ABCB7: variants seen among roughly 807,000 people sequenced by gnomAD.
The protein encoded by ABCB7 is ATP binding cassette subfamily B member 7.
In ABCB7, 7 loss-of-function variants were observed where a neutral mutation model predicts 54.4. That is an observed-to-expected ratio of 0.13 (90% CI 0.07 to 0.24). The LOEUF is 0.24. ABCB7 is among the 10% of genes least tolerant of loss of function. The pLI, the probability that ABCB7 is intolerant of heterozygous loss-of-function variation, is 1.00. For synonymous variants in ABCB7, 218 were observed against 207.1 expected (o/e 1.05, Z -0.45); for missense variants, 356 against 570.4 (o/e 0.62, Z 3.83).
At chrX:75,085,579 C>T (rs748582775) in intron 4 of ABCB7, among the ~76,000 whole-genome samples, 23 of 110,750 alleles carry the variant, frequency 2.1e-4, no homozygotes, top group African/African-American at 6.9e-4. Context: ...AAAAAGAGTG[C>T]ACTCCATTGA....
chrX:75,072,059 C>T (rs2081367466), intron 8 of ABCB7, among the ~76,000 whole-genome samples: 1 of 111,481 alleles, frequency 9.0e-6, no homozygotes, highest in African/African-American at 3.3e-5. Context: ...TCTCTCGGTA[C>T]AGTATAAAAT....
At chrX:75,151,289 C>T (rs1419962933) in intron 1 of ABCB7, among the ~76,000 whole-genome samples, 1 of 111,392 alleles carries the variant, frequency 9.0e-6, no homozygotes, top group Non-Finnish European at 1.9e-5. Flanking sequence ...CCCAGTGCCA[C>T]TTTCCATTCC....
chrX:75,112,840 A>C (rs1247779010), intron 3 of ABCB7, 46 bp downstream of exon 3: 3 of 1,014,924 alleles, frequency 3.0e-6, no homozygotes, highest in Non-Finnish European at 2.8e-6. Context: ...TCTTCTGTGC[A>C]AGGACAATCA....
At chrX:75,064,029 G>A (rs2081300143) in intron 13 of ABCB7, among the ~76,000 whole-genome samples, 1 of 111,004 alleles carries the variant, frequency 9.0e-6, no homozygotes, top group African/African-American at 3.3e-5. Context: ...CCAGATAACT[G>A]GAAATTACTC....
chrX:75,115,410 C>CT (rs747398607), intron 1 of ABCB7, among the ~76,000 whole-genome samples: 784 of 30,155 alleles, frequency 0.026, 37 homozygotes, highest in African/African-American at 0.092. Flanking sequence ...TGTCTCTTTT[C>CT]TTTTTTTTTT....
intron 3 of ABCB7, among the ~76,000 whole-genome samples, chrX:75,104,610 T>C (rs1303668390): frequency 9.0e-6 from 1 of 110,810 alleles, no homozygotes; most frequent in Non-Finnish European, 1.9e-5. Context: ...ACAAATTCCA[T>C]GAGACATATA....
intron 1 of ABCB7, among the ~76,000 whole-genome samples, chrX:75,155,822 C>A (rs956460686): frequency 1.8e-5 from 2 of 111,143 alleles, no homozygotes; most frequent in African/African-American, 6.6e-5. Flanking sequence ...GGTGTCTACC[C>A]CAACTCTTAA....
At chrX:75,099,141 T>C (rs892279916) in intron 3 of ABCB7, 80 bp from the exon 4 acceptor site, 10 of 1,035,703 alleles carry the variant, frequency 9.7e-6, no homozygotes, top group Non-Finnish European at 1.2e-5. Context: ...AGAATTTATA[T>C]ATTTGAGAAA....
chrX:75,063,165 T>C (rs777158856), intron 13 of ABCB7, among the ~76,000 whole-genome samples: 1 of 111,526 alleles, frequency 9.0e-6, no homozygotes, highest in Non-Finnish European at 1.9e-5. Flanking sequence ...TATTCCTAAA[T>C]ACAAGAATAA....
At chrX:75,084,585 C>T (rs1308722024) in intron 4 of ABCB7, among the ~76,000 whole-genome samples, 1 of 110,926 alleles carries the variant, frequency 9.0e-6, no homozygotes, top group African/African-American at 3.3e-5. Context: ...AGTTATTAGA[C>T]ATGACAACAA....
At chrX:75,069,793 A>G (rs1429383329) in intron 10 of ABCB7, among the ~76,000 whole-genome samples, 1 of 111,663 alleles carries the variant, frequency 9.0e-6, no homozygotes, top group Admixed American at 9.5e-5. Flanking sequence ...AATTCAGTGT[A>G]AGTACAAATA....
chrX:75,066,470 GA>G (rs1294230344), intron 12 of ABCB7, among the ~76,000 whole-genome samples: 1 of 111,009 alleles, frequency 9.0e-6, no homozygotes, highest in East Asian at 2.8e-4. Context: ...TGGAAATTTT[GA>G]AAATATAAAA....
At chrX:75,103,886 T>C (rs1041923417) in intron 3 of ABCB7, among the ~76,000 whole-genome samples, 22 of 108,414 alleles carry the variant, frequency 2.0e-4, no homozygotes, top group African/African-American at 7.0e-4. Flanking sequence ...CTTTAGTTTT[T>C]TTCTAGATAT....
At chrX:75,102,101 T>C (rs190003697) in intron 3 of ABCB7, among the ~76,000 whole-genome samples, 51 of 111,440 alleles carry the variant, frequency 4.6e-4, no homozygotes, top group African/African-American at 1.7e-3. Flanking sequence ...ACACGTGAGA[T>C]TTTGTTGAAT....
intron 1 of ABCB7, among the ~76,000 whole-genome samples, chrX:75,151,583 C>G (rs1296247507): frequency 8.9e-6 from 1 of 111,797 alleles, no homozygotes; most frequent in African/African-American, 3.3e-5. Context: ...CCCTATGTTG[C>G]TCCTGAATAC....
chrX:75,143,944 C>T (rs1205454364), intron 1 of ABCB7, among the ~76,000 whole-genome samples: 1 of 110,920 alleles, frequency 9.0e-6, no homozygotes, highest in Non-Finnish European at 1.9e-5. Flanking sequence ...TATTCAAATA[C>T]CCATTTATAG....
chrX:75,120,545 G>GT (rs2081868414), intron 1 of ABCB7, among the ~76,000 whole-genome samples: 1 of 110,831 alleles, frequency 9.0e-6, no homozygotes, highest in Non-Finnish European at 1.9e-5. Flanking sequence ...GGAGGTGGAG[G>GT]TTGCCAAGAT....
rs765188659 is a variant in ABCB7 at position 75,156,278 on chromosome X, G to A, written c.-6C>T. On this transcript the variant is annotated 5_prime_UTR_variant, in exon 1 of 16. Transcript: ENST00000373394. ...TGCATCGCGAGCAGCGCCATCTTGA[G>A]CGAGGAAAGAGGAACCGAGAGAAGA... 3.3e-6 allele frequency: 4 copies of A among 1,201,692 alleles called. No homozygotes were observed. In the South Asian group the frequency reaches 7.2e-5, roughly 22 times the overall value.
At chrX:75,104,115 G>A (rs894755576) in intron 3 of ABCB7, among the ~76,000 whole-genome samples, 1 of 67,648 alleles carries the variant, frequency 1.5e-5, no homozygotes, top group Non-Finnish European at 2.7e-5. Context: ...TTCCCTATTC[G>A]GTATGTTGTT....
Sources: allele counts gnomAD v4.1 joint callset (sites outside exome capture counted in the v4.1 genomes callset), GRCh38; gene constraint gnomAD v4.1.1; transcripts MANE v1.5; gene names NCBI Gene and HGNC (gene_info 2026-07-23, HGNC 2026-07-21).